Variants in BRIP1 observed in about 807,000 individuals in gnomAD.
BRIP1 encodes the protein Fanconi anemia group J protein.
In BRIP1, 88 loss-of-function variants were observed where a neutral mutation model predicts 119.7. The observed-to-expected ratio is 0.74, with a 90% CI of 0.62 to 0.88. The LOEUF is 0.88. BRIP1 is among the 40% of genes least tolerant of loss of function. BRIP1 has a pLI of 0.00. For synonymous variants in BRIP1, 443 were observed against 496.5 expected (o/e 0.89, Z 1.43); for missense variants, 1,259 against 1,455.4 (o/e 0.87, Z 2.20).
intron 16 of BRIP1, among the ~76,000 whole-genome samples, chr17:61,737,691 T>C (rs1347076070): frequency 6.6e-6 from 1 of 152,242 alleles, no homozygotes; most frequent in Non-Finnish European, 1.5e-5. Flanking sequence ...TATTGACTGC[T>C]ATATTCTGGG....
intron 4 of BRIP1, 42 bp from the exon 5 acceptor site, chr17:61,849,298 A>T (rs772440007): frequency 1.9e-6 from 3 of 1,565,014 alleles, no homozygotes; most frequent in Non-Finnish European, 2.6e-6. Context: ...AATAACTTAC[A>T]GGTAGGCAAT....
At chr17:61,797,968 T>C (rs9897121) in intron 9 of BRIP1, among the ~76,000 whole-genome samples, 119,397 of 151,944 alleles carry the variant, frequency 0.79, 47,451 homozygotes, top group African/African-American at 0.87. Context: ...GTCATCCACC[T>C]ATTGTGTAAA....
Position 61,695,519 on chromosome 17 carries a change from C to T in BRIP1, c.2493-2007G>A, listed in dbSNP as rs1419046852. On this transcript the variant is annotated intron_variant, in intron 17 of 19. Coordinates refer to ENST00000259008, the MANE Select transcript of BRIP1 (RefSeq NM_032043.3). The surrounding 1 kb of genome is among the most constrained non-coding windows in gnomAD (Gnocchi z 4.3). ...TTAGAATCAGCTTCTCAATTCCTGC[C>T]AGAAAGTCAGCTGGGATTTTGATTA... Among the ~76,000 whole-genome samples, 2 of 152,060 alleles carry T rather than the reference C, an allele frequency of 1.3e-5. No individual in the cohort carries two copies. The highest frequency in any genetic ancestry group is 2.9e-5 in the Non-Finnish European group (2 of 67,962).
rs990770798 is a variant in BRIP1, at chr17:61,708,626, TTTG to T, written c.2492+7322_2492+7324del. 6.6e-5 allele frequency among the ~76,000 whole-genome samples: 10 copies of T among 152,196 alleles called. No homozygotes were observed. Among genetic ancestry groups the T allele is most frequent in the African/African-American group, 1.7e-4 (7 of 41,446 alleles). On this transcript the variant is annotated intron_variant, in intron 17 of 19. Coordinates refer to ENST00000259008, the MANE Select transcript of BRIP1 (RefSeq NM_032043.3). This position sits in a 1 kb window ranked among gnomAD's most constrained non-coding sequence, Gnocchi z 4.4. ...TTTTTGTTTGCTTTGTTGGACTTGT[TTTG>T]TTGTTGTTGTTTTGGTCTGTTTTTC...
rs71153405 is a variant in BRIP1, at chr17:61,804,410, A to ATGTGTGTGTGTG, written c.919-2948_919-2937dup. Among the ~76,000 whole-genome samples, 2 of 125,416 alleles carry ATGTGTGTGTGTG rather than the reference A, an allele frequency of 1.6e-5. No homozygotes were observed. The highest frequency in any genetic ancestry group is 6.6e-5 in the African/African-American group (2 of 30,086). The allele number at this position is 125,416 out of a possible 152,430, so 82.3% of individuals were successfully genotyped here. ...AAGACTTTGAGGCAGCTATATACAT[A>ATGTGTGTGTGTG]TGTGTGTGTGTGTGTGTGTGTGTGT... On this transcript the variant is annotated intron_variant, in intron 7 of 19. Transcript: ENST00000259008. The surrounding 1 kb of genome is among the most constrained non-coding windows in gnomAD (Gnocchi z 4.5).
rs1171426569 is a variant in BRIP1 at position 61,720,036 on chromosome 17, A to G, written c.2380-3973T>C. Among the ~76,000 whole-genome samples the G allele has an allele frequency of 6.6e-6, 1 of 152,026 alleles. No homozygotes were observed. The highest frequency in any genetic ancestry group is 1.5e-5 in the Non-Finnish European group (1 of 67,994). On this transcript the variant is annotated intron_variant, in intron 16 of 19. Coordinates refer to ENST00000259008, the MANE Select transcript of BRIP1 (RefSeq NM_032043.3). This position sits in a 1 kb window ranked among gnomAD's most constrained non-coding sequence, Gnocchi z 4.3. ...ATTTTTATAGAGATGGATTCTTGCT[A>G]TGTTGCCTATGATGGTCTCCAACTC...
At chr17:61,716,723 C>G (rs998642501) in intron 16 of BRIP1, among the ~76,000 whole-genome samples, 2 of 100,176 alleles carry the variant, frequency 2.0e-5, no homozygotes, top group African/African-American at 7.1e-5. Flanking sequence ...CCTACCCCCC[C>G]AATCTGTACC....
chr17:61,712,122 TTTTA>T (rs1306910301), intron 17 of BRIP1, among the ~76,000 whole-genome samples: 2 of 152,044 alleles, frequency 1.3e-5, no homozygotes, highest in Non-Finnish European at 2.9e-5. Flanking sequence ...AATAAAAATT[TTTTA>T]TTTGACTGGT....
At position 61,757,388 on chromosome 17, in the gene BRIP1, A is replaced by T. The variant is rs934985245; in HGVS notation, c.2098-12797T>A. ...AGTTGGAGGTGCACTTGGAGGAATA[A>T]TATAGACAAATACTGCCCTAAAGTG... On this transcript the variant is annotated intron_variant, in intron 14 of 19. Coordinates refer to ENST00000259008, the MANE Select transcript of BRIP1 (RefSeq NM_032043.3). This position sits in a 1 kb window ranked among gnomAD's most constrained non-coding sequence, Gnocchi z 4.3. 6.6e-6 allele frequency among the ~76,000 whole-genome samples: 1 copy of T among 152,210 alleles called. No individual in the cohort carries two copies. The highest frequency in any genetic ancestry group is 2.1e-4 in the South Asian group (1 of 4,836).
Position 61,861,130 on chromosome 17 carries a change from G to A in BRIP1, c.93+317C>T, listed in dbSNP as rs968427357. ...TTCTACATGATCCAAACAAAACAAT[G>A]GTGAGAAAAATAGTATTCTGTGTAA... On this transcript the variant is annotated intron_variant, in intron 2 of 19. Coordinates refer to ENST00000259008, the MANE Select transcript of BRIP1 (RefSeq NM_032043.3). This position sits in a 1 kb window ranked among gnomAD's most constrained non-coding sequence, Gnocchi z 4.5. Among the ~76,000 whole-genome samples the A allele has an allele frequency of 6.6e-6, 1 of 152,146 alleles. No individual in the cohort carries two copies. Among genetic ancestry groups the A allele is most frequent in the South Asian group, 2.1e-4 (1 of 4,820 alleles).
rs568355554 is a variant in BRIP1, at chr17:61,709,316, T to C, written c.2492+6635A>G. Among the ~76,000 whole-genome samples, 2 of 152,236 alleles carry C rather than the reference T, an allele frequency of 1.3e-5. No homozygotes were observed. The highest frequency in any genetic ancestry group is 4.1e-4 in the South Asian group (2 of 4,822). On this transcript the variant is annotated intron_variant, in intron 17 of 19. Transcript: ENST00000259008. This position sits in a 1 kb window ranked among gnomAD's most constrained non-coding sequence, Gnocchi z 5.0. The stretch of plus-strand genomic sequence containing the variant: ...TGTCTCCTCTCTCTCTTTGTAATAT[T>C]GTAGGTTTGACATTTTCATTTCTTT...
chr17:61,787,880 G>C (rs928125751), intron 10 of BRIP1, among the ~76,000 whole-genome samples: 7 of 152,078 alleles, frequency 4.6e-5, no homozygotes, highest in African/African-American at 1.7e-4. Flanking sequence ...TCCTGACCTC[G>C]TGATCTGCCC....
rs1406236824 is a variant in BRIP1, at chr17:61,806,607, G to T, written c.918+1860C>A. ...ACGTAACCAGCACTGTAGGATTCTA[G>T]GTTACACAAAATGAAACTGTCTGCC... On this transcript the variant is annotated intron_variant, in intron 7 of 19. Transcript: ENST00000259008. This position sits in a 1 kb window ranked among gnomAD's most constrained non-coding sequence, Gnocchi z 4.9. 6.6e-6 allele frequency among the ~76,000 whole-genome samples: 1 copy of T among 152,124 alleles called. No homozygotes were observed. The highest frequency in any genetic ancestry group is 2.4e-5 in the African/African-American group (1 of 41,418).
intron 11 of BRIP1, among the ~76,000 whole-genome samples, chr17:61,782,388 GAAAA>G (rs10661242): frequency 8.8e-6 from 1 of 113,054 alleles, no homozygotes; most frequent in African/African-American, 3.5e-5. Flanking sequence ...TCCCGTCTCA[GAAAA>G]AAAAAAAAAA....
rs945445877 is a variant in BRIP1, at chr17:61,699,172, G to C, written c.2493-5660C>G. ...CAACCTATTTGTGTTTTTTAAACTA[G>C]TGTTTCTCTTGCAGACAGCATATAT... On this transcript the variant is annotated intron_variant, in intron 17 of 19. Transcript: ENST00000259008. The surrounding 1 kb of genome is among the most constrained non-coding windows in gnomAD (Gnocchi z 4.8). Among the ~76,000 whole-genome samples the C allele has an allele frequency of 2.6e-5, 4 of 151,920 alleles. No homozygotes were observed. Among genetic ancestry groups the C allele is most frequent in the African/African-American group, 9.7e-5 (4 of 41,366 alleles).
rs138661661 is a variant in BRIP1, at chr17:61,746,006, G to A, written c.2098-1415C>T. On this transcript the variant is annotated intron_variant, in intron 14 of 19. Coordinates refer to ENST00000259008, the MANE Select transcript of BRIP1 (RefSeq NM_032043.3). The surrounding 1 kb of genome is among the most constrained non-coding windows in gnomAD (Gnocchi z 4.9). ...GTTTTATCCACTTGTTATATACTAT[G>A]AGTTCTACACAATTTGGACAAGTTA... Among the ~76,000 whole-genome samples the A allele has an allele frequency of 6.3e-3, 962 of 152,208 alleles. 8 individuals carry two copies. The highest frequency in any genetic ancestry group is 0.022 in the African/African-American group (918 of 41,546).
rs1603361670 is a variant in BRIP1 at position 61,847,190 on chromosome 17, C to T, written c.538G>A (p.Val180Ile). The change falls in exon 6 of 20, where the codon GTA (valine) becomes ATA (isoleucine). Residue 180 changes from valine (V) to isoleucine (I), a missense_variant. Val to Ile is a conservative substitution (Grantham distance 29, BLOSUM62 3). This residue lies in a region of BRIP1 where 501 missense variants were observed against 544.0 expected (regional missense o/e 0.92). Transcript: ENST00000259008. The stretch of plus-strand genomic sequence containing the variant: ...TCAACTTTTGCATCCAAATTGTGTA[C>T]TTCTGTTCCAAAGCAATGACGTTTT... ...IRKRHCFGTE[V>I]HNLDAKVDSG... 2 of 1,613,646 alleles carry T rather than the reference C, an allele frequency of 1.2e-6. No homozygotes were observed. Among genetic ancestry groups the T allele is most frequent in the South Asian group, 1.1e-5 (1 of 91,076 alleles).
At chr17:61,818,219 AGT>A (rs1336595490) in intron 6 of BRIP1, among the ~76,000 whole-genome samples, 1 of 151,894 alleles carries the variant, frequency 6.6e-6, no homozygotes, top group African/African-American at 2.4e-5. Context: ...AAGATGGGCA[AGT>A]AGGGTATATA....
intron 16 of BRIP1, among the ~76,000 whole-genome samples, chr17:61,716,715 T>G (rs1288766319): frequency 3.9e-5 from 4 of 101,396 alleles, no homozygotes; most frequent in South Asian, 7.0e-4. Context: ...GCTTCCCCCC[T>G]ACCCCCCCAA....
Sources: gnomAD v4.1 joint callset for allele counts (sites outside exome capture counted in the v4.1 genomes callset) on GRCh38, gnomAD v4.1.1 for gene constraint, gnomAD v4.1.1 regional missense constraint, Gnocchi (gnomAD v3.1) non-coding constraint, MANE v1.5 for transcripts, NCBI Gene and HGNC (gene_info 2026-07-23, HGNC 2026-07-21) for gene names.